The following WNT2 variants were observed in gnomAD, a reference collection of about 807,000 sequenced individuals.
WNT2 encodes protein Wnt-2.
A neutral mutation model predicts 36.9 loss-of-function variants in WNT2; 12 were observed. That is an observed-to-expected ratio of 0.33 (90% confidence interval 0.21 to 0.53). WNT2 has a LOEUF of 0.53. Among genes scored for constraint, WNT2 ranks in the 20% least tolerant of loss-of-function variants. WNT2 has a pLI of 0.95. For synonymous variants in WNT2, 163 were observed against 174.6 expected, an observed-to-expected ratio of 0.93 and a Z score of 0.52; for missense variants, 379 against 473.1, an observed-to-expected ratio of 0.80 and a Z score of 1.84.
intron 2 of WNT2, among the ~76,000 whole-genome samples, chr7:117,316,983 T>C (rs1204335202): frequency 6.6e-6 from 1 of 152,222 alleles, no homozygotes; most frequent in African/African-American, 2.4e-5. Flanking sequence ...ACTTTTATTA[T>C]ATCCATTTTA....
rs538184823 is a variant in WNT2, at chr7:117,322,984, G to T, written c.6C>A (p.Asn2Lys). The change falls in exon 1 of 5, where the codon AAC becomes AAA. Residue 2 changes from asparagine to lysine, a missense_variant. Transcript: ENST00000265441. The surrounding 1 kb of genome is among the most constrained non-coding windows in gnomAD (Gnocchi z 5.4). M[N>K]APLGGIWLWL... ...AGAGCCAGATTCCACCGAGAGGGGC[G>T]TTCATATTAACCCCCTTGCGTCTGC... 6.2e-7 allele frequency: 1 copy of T among 1,612,272 alleles called. No homozygotes were observed. Among genetic ancestry groups the T allele is most frequent in the African/African-American group, 1.3e-5 (1 of 74,954 alleles).
intron 4 of WNT2, among the ~76,000 whole-genome samples, chr7:117,279,315 T>G (rs1297601795): frequency 6.6e-6 from 1 of 152,218 alleles, no homozygotes; most frequent in Non-Finnish European, 1.5e-5. Context: ...TATGCTGGGC[T>G]TACCATGATC....
chr7:117,299,844 C>G (rs1044393500), intron 3 of WNT2, among the ~76,000 whole-genome samples: 6 of 152,114 alleles, frequency 3.9e-5, no homozygotes, highest in Non-Finnish European at 8.8e-5. Context: ...AACTTCAAAA[C>G]TGATATTTTT....
At chr7:117,295,384 AAG>A (rs1422165439) in intron 4 of WNT2, among the ~76,000 whole-genome samples, 1 of 152,252 alleles carries the variant, frequency 6.6e-6, no homozygotes, top group South Asian at 2.1e-4. Flanking sequence ...AGGATTAAGA[AAG>A]AGAATTTCTT....
chr7:117,278,213 G>A lies in WNT2; in HGVS notation c.1025C>T (p.Ala342Val). The change falls in exon 5 of 5, where the codon GCT becomes GTT. Residue 342 changes from alanine (A) to valine (V), a missense_variant. Ala to Val is a moderately conservative substitution (Grantham distance 64). Transcript: ENST00000265441. Reference protein sequence around the residue: ...CAVRCQDCLEALDVHTCKAPK... With the variant: ...CAVRCQDCLEVLDVHTCKAPK... The stretch of plus-strand genomic sequence containing the variant: ...GGCCTTGCATGTGTGCACATCCAGA[G>A]CTTCCAGGCAGTCCTGACAGCGCAC... 1.9e-6 allele frequency: 3 copies of A among 1,614,246 alleles called. No homozygotes were observed. The highest frequency in any genetic ancestry group is 2.2e-5 in the East Asian group (1 of 44,880).
intron 4 of WNT2, among the ~76,000 whole-genome samples, chr7:117,287,767 C>T (rs1332128108): frequency 6.6e-6 from 1 of 152,040 alleles, no homozygotes; most frequent in Non-Finnish European, 1.5e-5. Context: ...GTGGGCAGAT[C>T]ACTTGAGGTC....
intron 3 of WNT2, among the ~76,000 whole-genome samples, chr7:117,307,001 A>T (rs534385443): frequency 6.6e-6 from 1 of 152,276 alleles, no homozygotes; most frequent in Non-Finnish European, 1.5e-5. Context: ...GAGCATTTTA[A>T]GCCTTTGACC....
intron 4 of WNT2, among the ~76,000 whole-genome samples, chr7:117,283,985 G>C (rs986097380): frequency 3.9e-5 from 6 of 152,114 alleles, no homozygotes; most frequent in African/African-American, 1.4e-4. Context: ...CCAAGGAATG[G>C]GCCAACTGGG....
At chr7:117,316,424 A>G (rs566047418) in intron 2 of WNT2, among the ~76,000 whole-genome samples, 1 of 152,312 alleles carries the variant, frequency 6.6e-6, no homozygotes, top group East Asian at 1.9e-4. Context: ...AAATATATTA[A>G]CAATCCAAAT....
chr7:117,299,909 C>T (rs1160730160), intron 3 of WNT2, among the ~76,000 whole-genome samples: 1 of 152,078 alleles, frequency 6.6e-6, no homozygotes, highest in African/African-American at 2.4e-5. Context: ...TTAAAAATAA[C>T]ATTATAAATC....
At chr7:117,301,551 A>G (rs1044570088) in intron 3 of WNT2, among the ~76,000 whole-genome samples, 2 of 152,220 alleles carry the variant, frequency 1.3e-5, no homozygotes, top group African/African-American at 4.8e-5. Flanking sequence ...CAGGTGGTTT[A>G]CACATATTAT....
intron 4 of WNT2, among the ~76,000 whole-genome samples, chr7:117,281,471 CA>C (rs1794488091): frequency 2.6e-5 from 4 of 152,202 alleles, no homozygotes; most frequent in Middle Eastern, 3.4e-3. Flanking sequence ...CTCCTGGGCT[CA>C]AGCGATCCTC....
chr7:117,321,588 T>G (rs1370688585), intron 1 of WNT2, among the ~76,000 whole-genome samples: 1 of 152,220 alleles, frequency 6.6e-6, no homozygotes, highest in Non-Finnish European at 1.5e-5. Context: ...CAAGCTGCCA[T>G]AGGTGTCTTT....
chr7:117,280,917 G>A (rs543131098), intron 4 of WNT2, among the ~76,000 whole-genome samples: 4 of 152,304 alleles, frequency 2.6e-5, no homozygotes, highest in South Asian at 2.1e-4. Flanking sequence ...GAAAAAAAAT[G>A]AAGATCCTGC....
intron 3 of WNT2, among the ~76,000 whole-genome samples, chr7:117,301,680 T>C (rs1794908513): frequency 1.3e-5 from 2 of 152,308 alleles, no homozygotes; most frequent in South Asian, 4.1e-4. Flanking sequence ...AGAACAAAGA[T>C]GTGAATCTCA....
rs528565248 is a variant in WNT2 at position 117,288,359 on chromosome 7, A to G, written c.853+9253T>C. Among the ~76,000 whole-genome samples the G allele has an allele frequency of 9.2e-5, 14 of 152,336 alleles. No individual in the cohort carries two copies. The South Asian group carries it at 2.9e-3, about 32-fold the overall frequency. On this transcript the variant is annotated intron_variant, in intron 4 of 4. Transcript: ENST00000265441. The stretch of plus-strand genomic sequence containing the variant: ...AGAAGTTAATTTGCCCATTAGTCCA[A>G]TTGGAGAAATAGTGATATGCAGCAA...
At chr7:117,288,460 A>G (rs1794626787) in intron 4 of WNT2, among the ~76,000 whole-genome samples, 2 of 152,232 alleles carry the variant, frequency 1.3e-5, no homozygotes, top group Admixed American at 1.3e-4. Flanking sequence ...TATCTTTAAA[A>G]AAGATATTTA....
In WNT2 at chr7:117,277,626, G is replaced by A. The variant is rs1417974248; in HGVS notation, c.*529C>T. The A allele has an allele frequency of 6.3e-6, 1 of 157,948 alleles. No homozygotes were observed. The highest frequency in any genetic ancestry group is 1.4e-5 in the Non-Finnish European group (1 of 71,184). The allele number at this position is 157,948 out of a possible 1,614,324, so 9.8% of individuals were successfully genotyped here. A position where few individuals can be genotyped will look rare whatever the true frequency, so the allele number is the denominator to read the frequency against. ...AGGTAATTACCAATTACCCCTAAGG[G>A]TGGTAGCTGTAAAACCACTTGATCA... On this transcript the variant is annotated 3_prime_UTR_variant, in exon 5 of 5. Transcript: ENST00000265441.
chr7:117,291,707 A>T (rs564748665), intron 4 of WNT2, among the ~76,000 whole-genome samples: 3 of 152,332 alleles, frequency 2.0e-5, no homozygotes, highest in African/African-American at 7.2e-5. Context: ...TGAAGACTAG[A>T]GGAAAATGTC....
Sources: gnomAD v4.1 joint callset for allele counts (sites outside exome capture counted in the v4.1 genomes callset) on GRCh38, gnomAD v4.1.1 for gene constraint, Gnocchi (gnomAD v3.1) non-coding constraint, MANE v1.5 for transcripts, NCBI Gene and HGNC (gene_info 2026-07-23, HGNC 2026-07-21) for gene names.